DOCK8: variants seen among roughly 807,000 people sequenced by gnomAD.
DOCK8 encodes dedicator of cytokinesis protein 8.
A neutral mutation model predicts 245.6 loss-of-function variants in DOCK8; 141 were observed. The ratio of observed to expected loss-of-function variants is 0.57; its 90% CI spans 0.50 to 0.66. The LOEUF is 0.66. Ranked by LOEUF, DOCK8 falls within the 30% of genes least tolerant of loss-of-function variation. The pLI is 0.00. For synonymous variants in DOCK8, 1,168 were observed against 970.2 expected, an observed-to-expected ratio of 1.20 and a Z score of -3.79; for missense variants, 2,965 against 2,603.4, an observed-to-expected ratio of 1.14 and a Z score of -3.02.
chr9:386,725 G>A (rs1482207519), intron 23 of DOCK8, among the ~76,000 whole-genome samples: 1 of 152,022 alleles, frequency 6.6e-6, no homozygotes. Flanking sequence ...ATCTGAGCTG[G>A]AGGCTCAAGA....
chr9:376,162 A>T (rs1586837359), intron 18 of DOCK8, 48 bp from the exon 19 acceptor site: 1 of 1,347,710 alleles, frequency 7.4e-7, no homozygotes, highest in African/African-American at 1.4e-5. Flanking sequence ...GTTAGTAATC[A>T]GAAAAGGGAA....
intron 1 of DOCK8, among the ~76,000 whole-genome samples, chr9:242,308 A>C: frequency 6.6e-6 from 1 of 152,128 alleles, no homozygotes; most frequent in African/African-American, 2.4e-5. Flanking sequence ...CTTGACTGTG[A>C]CTTTTTTCAA....
chr9:407,673 C>T (rs1358558372), intron 28 of DOCK8, among the ~76,000 whole-genome samples: 2 of 152,160 alleles, frequency 1.3e-5, no homozygotes, highest in African/African-American at 4.8e-5. Context: ...TCCCTATGCT[C>T]CGTGAGCTCA....
rs1241904702 is a variant in DOCK8, at chr9:371,543, G to A, written c.1984G>A (p.Val662Met). Residue 662 changes from valine (V) to methionine (M), a missense_variant, in exon 17 of 48, where the codon GTG (valine) becomes ATG (methionine). Val to Met is a conservative substitution (Grantham distance 21). Around this residue, in one of 3 missense-constraint regions of DOCK8, gnomAD observed 2,825 missense variants for 2,453.5 expected, o/e 1.15. Coordinates refer to ENST00000432829, the MANE Select transcript of DOCK8 (RefSeq NM_203447.4). The stretch of plus-strand genomic sequence containing the variant: ...CTGTCAGCAGAAGCAAGGAGCCTCC[G>A]TGGAAACTCTCCTGGGATATTCAGT... Reference protein sequence around the residue: ...ISCQQKQGASVETLLGYSWLP... With the variant: ...ISCQQKQGASMETLLGYSWLP... 10 of 1,614,030 alleles carry A rather than the reference G, an allele frequency of 6.2e-6. No homozygotes were observed. The highest frequency in any genetic ancestry group is 1.7e-5 in the Admixed American group (1 of 60,004).
chr9:441,260 T>C, intron 40 of DOCK8, 26 bp from the exon 41 acceptor site: 1 of 1,614,064 alleles, frequency 6.2e-7, no homozygotes, highest in Non-Finnish European at 8.5e-7. Context: ...TTAAATTCTC[T>C]CTGATGCTCT....
chr9:227,605 C>T (rs1379394389), intron 1 of DOCK8, among the ~76,000 whole-genome samples: 2 of 152,132 alleles, frequency 1.3e-5, no homozygotes, highest in Non-Finnish European at 2.9e-5. Context: ...TGTTTGTTAT[C>T]TCACCATAAC....
chr9:463,638 A>G lies in DOCK8; in HGVS notation c.6190A>G (p.Lys2064Glu), dbSNP rs2057878394. 6.2e-7 allele frequency: 1 copy of G among 1,613,682 alleles called. No homozygotes were observed. Among genetic ancestry groups the G allele is most frequent in the African/African-American group, 1.3e-5 (1 of 74,930 alleles). The change falls in exon 47 of 48, where the codon AAA becomes GAA. Residue 2064 changes from lysine to glutamate, a missense_variant. Lys to Glu is a moderately conservative substitution (Grantham distance 56, BLOSUM62 1). This residue lies in a region of DOCK8 where 134 missense variants were observed against 128.1 expected (regional missense o/e 1.05). Transcript: ENST00000432829. ...GAACCTCAGGCCAATGATCGAGCGG[A>G]AAATTCCAGAACTGTACAAGCCAAT... ...KENLRPMIER[K>E]IPELYKPIFR...
chr9:237,189 G>A (rs1382124680), intron 1 of DOCK8, among the ~76,000 whole-genome samples: 1 of 152,258 alleles, frequency 6.6e-6, no homozygotes, highest in African/African-American at 2.4e-5. Context: ...GATAAAAACT[G>A]TGTTGTTTTA....
chr9:400,006 T>TCCA (rs1193035677), intron 26 of DOCK8, among the ~76,000 whole-genome samples: 4 of 80,418 alleles, frequency 5.0e-5, no homozygotes, highest in African/African-American at 1.2e-4. Flanking sequence ...CTCCACCACC[T>TCCA]CCACCATCAC....
In DOCK8 at chr9:371,324, ACAC is replaced by A. The variant is rs539480654; in HGVS notation, c.1869-101_1869-99del. On this transcript the variant is annotated intron_variant, in intron 16 of 47. Coordinates refer to ENST00000432829, the MANE Select transcript of DOCK8 (RefSeq NM_203447.4). ...AGAGTAATGTAAAATGAAAAGCAAAACACCAGGCAAATTCTGAGGAGCAAAGGG... is the reference window on the plus strand; with the variant it reads ...AGAGTAATGTAAAATGAAAAGCAAAACAGGCAAATTCTGAGGAGCAAAGGG... 54 of 1,417,468 alleles carry A rather than the reference ACAC, an allele frequency of 3.8e-5. 1 individual carries two copies. The highest frequency in any genetic ancestry group is 1.7e-4 in the Admixed American group (10 of 59,030). 87.8% of individuals were successfully genotyped at this position (1,417,468 alleles called of 1,614,324 possible).
At chr9:349,715 T>A (rs2052067590) in intron 14 of DOCK8, among the ~76,000 whole-genome samples, 6 of 152,206 alleles carry the variant, frequency 3.9e-5, no homozygotes, top group Admixed American at 3.9e-4. Context: ...ACCAGTTTCG[T>A]TATCCCATTA....
At chr9:262,249 G>C (rs2047935616) in intron 1 of DOCK8, among the ~76,000 whole-genome samples, 1 of 151,912 alleles carries the variant, frequency 6.6e-6, no homozygotes, top group African/African-American at 2.4e-5. Flanking sequence ...ACCAAGTATT[G>C]TTGAACATAT....
intron 24 of DOCK8, among the ~76,000 whole-genome samples, chr9:395,531 TTAG>T (rs60738310): frequency 0.095 from 14,136 of 149,344 alleles, 1,921 homozygotes; most frequent in African/African-American, 0.31. Flanking sequence ...TCCAGTGCCA[TTAG>T]TAGTAGTAGT....
chr9:449,732 A>G (rs2057371179), intron 44 of DOCK8, 52 bp from the exon 45 acceptor site: 2 of 1,611,438 alleles, frequency 1.2e-6, no homozygotes, highest in African/African-American at 1.3e-5. Context: ...AGGCTTGTCC[A>G]TAGCTTATGA....
intron 14 of DOCK8, among the ~76,000 whole-genome samples, chr9:341,967 C>A (rs1475588756): frequency 6.6e-6 from 1 of 152,216 alleles, no homozygotes; most frequent in Non-Finnish European, 1.5e-5. Flanking sequence ...GCCTGATATT[C>A]TGTCGCTGTC....
intron 42 of DOCK8, 46 bp downstream of exon 42, chr9:442,055 A>G (rs2057111127): frequency 6.2e-7 from 1 of 1,611,366 alleles, no homozygotes; most frequent in South Asian, 1.1e-5. Context: ...ACTTTACAAA[A>G]ACAAGTTAGA....
chr9:275,667 C>T (rs1197984614), intron 2 of DOCK8, among the ~76,000 whole-genome samples: 2 of 152,052 alleles, frequency 1.3e-5, no homozygotes, highest in Admixed American at 6.5e-5. Context: ...TGGCTCACTG[C>T]AACTCCTGCC....
At position 452,127 on chromosome 9, in the gene DOCK8, A is replaced by G; in HGVS notation, c.6068+10A>G. The G allele has an allele frequency of 6.4e-7, 1 of 1,573,522 alleles. No homozygotes were observed. The highest frequency in any genetic ancestry group is 8.7e-7 in the Non-Finnish European group (1 of 1,144,202). ...AGGAATTCATCATGAGGTAAGAAGGAAAATGGCTGGGAATTTCAGTAGAGC... is the reference window on the plus strand; with the variant it reads ...AGGAATTCATCATGAGGTAAGAAGGGAAATGGCTGGGAATTTCAGTAGAGC... On this transcript the variant is annotated intron_variant, in intron 46 of 47. Coordinates refer to ENST00000432829, the MANE Select transcript of DOCK8 (RefSeq NM_203447.4).
intron 8 of DOCK8, 59 bp downstream of exon 8, chr9:325,796 A>T (rs980107928): frequency 2.8e-6 from 4 of 1,430,234 alleles, no homozygotes; most frequent in Non-Finnish European, 3.9e-6. Flanking sequence ...GATTCTTTGC[A>T]TGTATGTTTT....
Sources: allele counts gnomAD v4.1 joint callset (sites outside exome capture counted in the v4.1 genomes callset), GRCh38; gene constraint gnomAD v4.1.1; regional missense constraint gnomAD v4.1.1; transcripts MANE v1.5; gene names NCBI Gene and HGNC (gene_info 2026-07-23, HGNC 2026-07-21).